Variants in IL12RB2 observed in about 807,000 individuals in gnomAD.
IL12RB2 encodes interleukin 12 receptor subunit beta 2.
In IL12RB2, 82 loss-of-function variants were observed where a neutral mutation model predicts 89.4. The observed-to-expected ratio is 0.92, with a 90% CI of 0.77 to 1.10. IL12RB2 has a LOEUF of 1.10. Ranked by LOEUF, IL12RB2 falls within the 50% of genes least tolerant of loss-of-function variation. The pLI is 0.00. For synonymous variants in IL12RB2, 368 were observed against 370.1 expected, an observed-to-expected ratio of 0.99 and a Z score of 0.07; for missense variants, 963 against 1,031.9, an observed-to-expected ratio of 0.93 and a Z score of 0.92.
chr1:67,350,586 C>T (rs1158908960), intron 9 of IL12RB2, among the ~76,000 whole-genome samples: 1 of 152,124 alleles, frequency 6.6e-6, no homozygotes, highest in Non-Finnish European at 1.5e-5. Context: ...TTGGATGTGA[C>T]CAAGTTGTCT....
intron 9 of IL12RB2, among the ~76,000 whole-genome samples, chr1:67,346,371 G>GTTATTTTTTTTTTTTTT (rs1557429350): frequency 7.4e-6 from 1 of 134,554 alleles, no homozygotes; most frequent in African/African-American, 2.8e-5. Flanking sequence ...CCAGGTGAGG[G>GTTATTTTTTTTTTTTTT]TTGTCTATTT....
intron 10 of IL12RB2, among the ~76,000 whole-genome samples, chr1:67,356,215 C>A (rs1291500448): frequency 1.3e-5 from 2 of 152,230 alleles, no homozygotes; most frequent in African/African-American, 4.8e-5. Flanking sequence ...CCTGAAGCTG[C>A]TGCAGAGAGA....
In IL12RB2 at chr1:67,380,106, G is replaced by A. The variant is rs1190724821; in HGVS notation, c.1838G>A (p.Arg613Lys). ...AAGESSHGNE[R>K]EFCLQGKANW... ...GGTGAAAGTTCCCACGGAAATGAGA[G>A]GGAATTTTGTCTGCAAGGTGAGAGG... Residue 613 changes from arginine (R) to lysine (K), a missense_variant, in exon 14 of 17, where the codon AGG becomes AAG. Coordinates refer to ENST00000674203, the MANE Select transcript of IL12RB2 (RefSeq NM_001374259.2). The A allele has an allele frequency of 6.2e-7, 1 of 1,614,208 alleles. No individual in the cohort carries two copies. The highest frequency in any genetic ancestry group is 8.5e-7 in the Non-Finnish European group (1 of 1,180,038).
intron 6 of IL12RB2, among the ~76,000 whole-genome samples, chr1:67,328,772 G>T (rs1273598063): frequency 1.3e-5 from 2 of 152,178 alleles, no homozygotes; most frequent in Non-Finnish European, 2.9e-5. Flanking sequence ...TTGTGAGATA[G>T]GCTACATGTG....
chr1:67,317,231 G>A (rs920865989), intron 2 of IL12RB2, among the ~76,000 whole-genome samples: 19 of 152,184 alleles, frequency 1.2e-4, no homozygotes, highest in Non-Finnish European at 2.5e-4. Flanking sequence ...TGGTGATAAA[G>A]ACAGAAATTA....
At position 67,372,617 on chromosome 1, in the gene IL12RB2, C is replaced by T. The variant is rs1186704183; in HGVS notation, c.1559-8C>T. 3.7e-6 allele frequency: 6 copies of T among 1,613,502 alleles called. No homozygotes were observed. Among genetic ancestry groups the T allele is most frequent in the Non-Finnish European group, 5.1e-6 (6 of 1,179,466 alleles). On this transcript the variant is annotated splice_region_variant and splice_polypyrimidine_tract_variant and intron_variant, in intron 12 of 16. Coordinates refer to ENST00000674203, the MANE Select transcript of IL12RB2 (RefSeq NM_001374259.2). ...GGTGACAGAAGCCTCCTGTGCCCTA[C>T]TTTACAGCACCACTGAGTGGCCCCC...
chr1:67,381,551 C>T (rs1664574721), intron 14 of IL12RB2, among the ~76,000 whole-genome samples: 1 of 152,024 alleles, frequency 6.6e-6, no homozygotes, highest in African/African-American at 2.4e-5. Context: ...ATCATGAGGT[C>T]AGGAGATCGA....
intron 6 of IL12RB2, among the ~76,000 whole-genome samples, chr1:67,329,048 G>T (rs1657704427): frequency 6.6e-6 from 1 of 152,148 alleles, no homozygotes; most frequent in Admixed American, 6.5e-5. Flanking sequence ...CATACATATT[G>T]CTAACGATGA....
chr1:67,338,193 G>A lies in IL12RB2; in HGVS notation c.959-431G>A, dbSNP rs547073682. On this transcript the variant is annotated intron_variant, in intron 8 of 16. Coordinates refer to ENST00000674203, the MANE Select transcript of IL12RB2 (RefSeq NM_001374259.2). The stretch of plus-strand genomic sequence containing the variant: ...AAAATACAGAAATTAGCCAGGCGTG[G>A]TGGTACGCACCTGTAGTCCCAGCTA... Among the ~76,000 whole-genome samples, 4 of 151,614 alleles carry A rather than the reference G, an allele frequency of 2.6e-5. No homozygotes were observed. The East Asian group carries it at 7.7e-4, about 29-fold the overall frequency.
At chr1:67,317,844 T>C (rs1655976653) in intron 2 of IL12RB2, among the ~76,000 whole-genome samples, 1 of 152,214 alleles carries the variant, frequency 6.6e-6, no homozygotes, top group Non-Finnish European at 1.5e-5. Flanking sequence ...ATGTTCCTGC[T>C]CTTATGGGGC....
chr1:67,341,555 GAA>G (rs1558318178), intron 9 of IL12RB2, among the ~76,000 whole-genome samples: 5 of 12,428 alleles, frequency 4.0e-4, no homozygotes, highest in Non-Finnish European at 1.4e-3. Flanking sequence ...AAGAAAGAAA[GAA>G]AGAAAGAAAG....
At position 67,366,218 on chromosome 1, in the gene IL12RB2, G is replaced by A. The variant is rs994693048; in HGVS notation, c.1259-1607G>A. On this transcript the variant is annotated intron_variant, in intron 10 of 16. Transcript: ENST00000674203. ...TGTAATCCCAGCACTTTGGGAGCCC[G>A]AGGCGGGTGGATCACCTGAGGTCAG... Among the ~76,000 whole-genome samples the A allele has an allele frequency of 1.1e-4, 16 of 152,028 alleles. No homozygotes were observed. The East Asian group carries it at 1.3e-3, about 13-fold the overall frequency.
At chr1:67,360,343 G>C (rs1231489674) in intron 10 of IL12RB2, among the ~76,000 whole-genome samples, 1 of 151,520 alleles carries the variant, frequency 6.6e-6, no homozygotes, top group Non-Finnish European at 1.5e-5. Flanking sequence ...AGGTTGCAGT[G>C]AGCCAAGATG....
At chr1:67,372,861 C>T (rs1490852112) in intron 13 of IL12RB2, 78 bp downstream of exon 13, 2 of 911,780 alleles carry the variant, frequency 2.2e-6, no homozygotes, top group Admixed American at 1.7e-5. Flanking sequence ...TGTGTGTGCA[C>T]ATCTACACAC....
intron 4 of IL12RB2, among the ~76,000 whole-genome samples, chr1:67,322,337 C>G (rs1309721148): frequency 6.6e-6 from 1 of 151,862 alleles, no homozygotes; most frequent in African/African-American, 2.4e-5. Context: ...TCCATCCATG[C>G]TCACCCGGAC....
intron 7 of IL12RB2, 70 bp from the exon 8 acceptor site, chr1:67,330,590 T>A: frequency 5.2e-6 from 4 of 765,718 alleles, no homozygotes; most frequent in African/African-American, 1.8e-5. Context: ...TTTTTTTTCA[T>A]TTTATGTTAA....
At chr1:67,330,871 T>G in intron 8 of IL12RB2, 61 bp downstream of exon 8, 1 of 898,380 alleles carries the variant, frequency 1.1e-6, no homozygotes, top group Non-Finnish European at 1.9e-6. Flanking sequence ...GGGGGGAAGA[T>G]GTAATGATTT....
chr1:67,394,858 G>A (rs558879139), intron 16 of IL12RB2, among the ~76,000 whole-genome samples: 88 of 152,334 alleles, frequency 5.8e-4, no homozygotes, highest in Non-Finnish European at 9.6e-4. Context: ...CACCTGTTTA[G>A]TGTGATCCTA....
rs969457366 is a variant in IL12RB2 at position 67,326,547 on chromosome 1, A to T, written c.365-188A>T. Among the ~76,000 whole-genome samples, 3 of 152,218 alleles carry T rather than the reference A, an allele frequency of 2.0e-5. No individual in the cohort carries two copies. Among genetic ancestry groups the T allele is most frequent in the Admixed American group, 1.3e-4 (2 of 15,278 alleles). On this transcript the variant is annotated intron_variant, in intron 4 of 16. Transcript: ENST00000674203. The stretch of plus-strand genomic sequence containing the variant: ...TATTTGATCCATATTCACTACTATT[A>T]TTACTGTTTCTAGGAGAAATTTACA...
Sources: allele counts gnomAD v4.1 joint callset (sites outside exome capture counted in the v4.1 genomes callset), GRCh38; gene constraint gnomAD v4.1.1; transcripts MANE v1.5; gene names NCBI Gene and HGNC (gene_info 2026-07-23, HGNC 2026-07-21).